Variants in SLC25A48 observed in about 807,000 individuals in gnomAD.
The protein encoded by SLC25A48 is CTC-321K16.1.
Under a neutral mutation model 32.2 loss-of-function variants are expected in SLC25A48, and 29 were observed. The ratio of observed to expected loss-of-function variants is 0.90; its 90% CI spans 0.67 to 1.23. The LOEUF (loss-of-function observed/expected upper bound fraction) is 1.23, where lower values mean the gene tolerates loss of function less well. Among genes scored for constraint, SLC25A48 ranks in the 50% most tolerant of loss-of-function variants. The pLI is 0.00. For missense variants in SLC25A48, 399 were observed against 422.7 expected, an observed-to-expected ratio of 0.94 and a Z score of 0.49; for synonymous variants, 164 against 172.3, an observed-to-expected ratio of 0.95 and a Z score of 0.38.
intron 3 of SLC25A48, among the ~76,000 whole-genome samples, chr5:135,644,000 G>T (rs751445033): frequency 6.6e-6 from 1 of 152,166 alleles, no homozygotes; most frequent in Non-Finnish European, 1.5e-5. Context: ...AGAGCCAGAG[G>T]ACTGATCTCA....
chr5:135,816,972 T>C (rs2126656152), intron 4 of SLC25A48, among the ~76,000 whole-genome samples: 1 of 152,352 alleles, frequency 6.6e-6, no homozygotes, highest in South Asian at 2.1e-4. Flanking sequence ...GAGATAAATT[T>C]AACATATATG....
Position 135,864,479 on chromosome 5 carries a change from G to T in SLC25A48, c.422-6982G>T, listed in dbSNP as rs192723193. 1.4e-4 allele frequency among the ~76,000 whole-genome samples: 22 copies of T among 152,268 alleles called. No homozygotes were observed. The East Asian group carries it at 3.9e-3, about 27-fold the overall frequency. ...TAAAGATGAAACCTTATGTAGAAAGGCAGGAACCCTTGGAGCATGAAAAGG... is the reference window on the plus strand; with the variant it reads ...TAAAGATGAAACCTTATGTAGAAAGTCAGGAACCCTTGGAGCATGAAAAGG... On this transcript the variant is annotated intron_variant, in intron 4 of 7. Transcript: ENST00000681962.
At chr5:135,664,471 A>C (rs1333132253) in intron 3 of SLC25A48, among the ~76,000 whole-genome samples, 1 of 152,186 alleles carries the variant, frequency 6.6e-6, no homozygotes, top group African/African-American at 2.4e-5. Context: ...TTTAGGGTAC[A>C]AGTGGTTTTT....
intron 3 of SLC25A48, among the ~76,000 whole-genome samples, chr5:135,704,137 G>T (rs1182799348): frequency 1.3e-5 from 2 of 152,222 alleles, no homozygotes; most frequent in Non-Finnish European, 1.5e-5. Flanking sequence ...CACTGTTCTG[G>T]GCGGCAGAGG....
chr5:135,759,348 C>G (rs1756004734), intron 3 of SLC25A48, among the ~76,000 whole-genome samples: 1 of 152,180 alleles, frequency 6.6e-6, no homozygotes, highest in African/African-American at 2.4e-5. Flanking sequence ...GTGTAGTACT[C>G]CATGGTACGG....
At chr5:135,742,825 C>T (rs910238462) in intron 3 of SLC25A48, among the ~76,000 whole-genome samples, 8 of 152,086 alleles carry the variant, frequency 5.3e-5, no homozygotes, top group African/African-American at 1.9e-4. Flanking sequence ...AGAACATATT[C>T]TCCACAAGGG....
In SLC25A48 at chr5:135,846,898, A is replaced by G. The variant is rs76088818; in HGVS notation, c.91-3527A>G. On this transcript the variant is annotated intron_variant, in intron 2 of 7. Coordinates refer to ENST00000681962, the MANE Select transcript of SLC25A48 (RefSeq NM_001349336.2). Reference sequence around the variant, plus strand: ...AATAGTCAAATGCAACTCAGCTTTCATGGAGGTCTATGTGGATGATATTAA... The same window carrying G: ...AATAGTCAAATGCAACTCAGCTTTCGTGGAGGTCTATGTGGATGATATTAA... 7.9e-5 allele frequency among the ~76,000 whole-genome samples: 12 copies of G among 152,342 alleles called. No homozygotes were observed. In the East Asian group the frequency reaches 1.9e-3, roughly 25 times the overall value.
intron 1 of SLC25A48, among the ~76,000 whole-genome samples, chr5:135,628,516 T>C (rs1361013608): frequency 3.3e-5 from 5 of 152,004 alleles, no homozygotes; most frequent in Non-Finnish European, 5.9e-5. Context: ...GACATCAAGT[T>C]TGGGTTCCAG....
chr5:135,767,875 TA>T (rs1323988685), intron 3 of SLC25A48, among the ~76,000 whole-genome samples: 1 of 150,206 alleles, frequency 6.7e-6, no homozygotes, highest in African/African-American at 2.5e-5. Context: ...ATGTTGTTTA[TA>T]ATATCCATGG....
At chr5:135,851,500 T>C (rs1454893959) in intron 3 of SLC25A48, among the ~76,000 whole-genome samples, 1 of 152,216 alleles carries the variant, frequency 6.6e-6, no homozygotes, top group African/African-American at 2.4e-5. Flanking sequence ...TAGCAGCCCA[T>C]GGCTAAGCCA....
At chr5:135,819,413 T>G (rs1487238614) in intron 4 of SLC25A48, among the ~76,000 whole-genome samples, 1 of 152,198 alleles carries the variant, frequency 6.6e-6, no homozygotes, top group African/African-American at 2.4e-5. Flanking sequence ...TGCAGTGGAA[T>G]AGTGCTCAAC....
At chr5:135,663,705 G>C (rs1381664152) in intron 3 of SLC25A48, among the ~76,000 whole-genome samples, 1 of 152,196 alleles carries the variant, frequency 6.6e-6, no homozygotes, top group African/African-American at 2.4e-5. Context: ...GGCTACTCTT[G>C]TGTGGAGTTT....
intron 3 of SLC25A48, among the ~76,000 whole-genome samples, chr5:135,670,497 CT>C (rs1753631101): frequency 6.6e-6 from 1 of 152,208 alleles, no homozygotes; most frequent in South Asian, 2.1e-4. Flanking sequence ...AGTCCTGGTT[CT>C]GCTGCTCACT....
intron 3 of SLC25A48, among the ~76,000 whole-genome samples, chr5:135,652,702 C>T (rs1753145256): frequency 6.6e-6 from 1 of 152,146 alleles, no homozygotes; most frequent in African/African-American, 2.4e-5. Context: ...AGCCAGAATA[C>T]AAGGGTCTGG....
chr5:135,717,906 G>C (rs920767992), intron 3 of SLC25A48, among the ~76,000 whole-genome samples: 1 of 152,290 alleles, frequency 6.6e-6, no homozygotes, highest in African/African-American at 2.4e-5. Context: ...GGAACGTCAG[G>C]TAAACGGCGT....
intron 1 of SLC25A48, among the ~76,000 whole-genome samples, chr5:135,622,713 T>C (rs1752352867): frequency 6.6e-6 from 1 of 152,256 alleles, no homozygotes; most frequent in Non-Finnish European, 1.5e-5. Context: ...TTATGTTCTT[T>C]ACACATTTTT....
At position 135,840,521 on chromosome 5, in the gene SLC25A48, T is replaced by C. The variant is rs567813123; in HGVS notation, c.47-1895T>C. Among the ~76,000 whole-genome samples, 5 of 151,932 alleles carry C rather than the reference T, an allele frequency of 3.3e-5. No homozygotes were observed. In the East Asian group the frequency reaches 7.7e-4, roughly 23 times the overall value. ...ATCACTTCTATCTAGTTCCAAAACA[T>C]TTTTCTCATGACCAAAGAAGATGCT... is the stretch of plus-strand genomic sequence containing the variant. On this transcript the variant is annotated intron_variant, in intron 1 of 7. Coordinates refer to ENST00000681962, the MANE Select transcript of SLC25A48 (RefSeq NM_001349336.2).
At chr5:135,886,726 A>C (rs1762753294) in intron 7 of SLC25A48, among the ~76,000 whole-genome samples, 1 of 136,674 alleles carries the variant, frequency 7.3e-6, no homozygotes, top group African/African-American at 2.7e-5. Flanking sequence ...GTGTAGTCTG[A>C]CTGTGGCCAG....
At chr5:135,852,186 A>G (rs1759925339) in intron 3 of SLC25A48, among the ~76,000 whole-genome samples, 1 of 152,142 alleles carries the variant, frequency 6.6e-6, no homozygotes, top group South Asian at 2.1e-4. Flanking sequence ...CTGTTGTGGT[A>G]TATGAGGTGG....
Sources: allele counts gnomAD v4.1 joint callset (sites outside exome capture counted in the v4.1 genomes callset), GRCh38; gene constraint gnomAD v4.1.1; transcripts MANE v1.5; gene names NCBI Gene and HGNC (gene_info 2026-07-23, HGNC 2026-07-21).